KDM3B: variants seen among roughly 807,000 people sequenced by gnomAD.
The protein encoded by KDM3B is lysine demethylase 3B, also known as lysine-specific demethylase 3B.
A neutral mutation model predicts 170.0 loss-of-function variants in KDM3B; 10 were observed. That is an observed-to-expected ratio of 0.06 (90% CI 0.04 to 0.10). The LOEUF (loss-of-function observed/expected upper bound fraction) is 0.10, where lower values mean the gene tolerates loss of function less well. Ranked by LOEUF, KDM3B falls within the 10% of genes least tolerant of loss-of-function variation. KDM3B has a pLI of 1.00. For missense variants in KDM3B, 1,394 were observed against 2,195.2 expected, an observed-to-expected ratio of 0.64 and a Z score of 7.29; for synonymous variants, 831 against 834.8, an observed-to-expected ratio of 1.00 and a Z score of 0.08.
intron 1 of KDM3B, among the ~76,000 whole-genome samples, chr5:138,358,732 C>CTACAGG (rs1179021972): frequency 6.6e-6 from 1 of 151,808 alleles, no homozygotes; most frequent in Non-Finnish European, 1.5e-5. Flanking sequence ...TTAGCTGGGA[C>CTACAGG]TACAGGTGCA....
chr5:138,395,623 A>T (rs1425013722), intron 9 of KDM3B, among the ~76,000 whole-genome samples: 2 of 148,712 alleles, frequency 1.3e-5, no homozygotes, highest in South Asian at 2.1e-4. Flanking sequence ...AATAATAATA[A>T]TTTTTTTTTT....
At chr5:138,406,238 C>T (rs995996386) in intron 11 of KDM3B, among the ~76,000 whole-genome samples, 1 of 152,130 alleles carries the variant, frequency 6.6e-6, no homozygotes, top group African/African-American at 2.4e-5. Flanking sequence ...CCCACCTACT[C>T]AGAGGCTGAT....
intron 1 of KDM3B, among the ~76,000 whole-genome samples, chr5:138,354,975 A>G (rs186422558): frequency 2.0e-5 from 3 of 152,314 alleles, no homozygotes; most frequent in Non-Finnish European, 4.4e-5. Flanking sequence ...ATTAATGACA[A>G]TGACCAGTGT....
At chr5:138,428,979 A>C (rs1453912081) in intron 20 of KDM3B, among the ~76,000 whole-genome samples, 3 of 129,350 alleles carry the variant, frequency 2.3e-5, no homozygotes, top group African/African-American at 8.9e-5. Context: ...ATAGAGTCTC[A>C]CTATGTTGCC....
chr5:138,373,637 G>A (rs1005215507), intron 2 of KDM3B, among the ~76,000 whole-genome samples: 2 of 151,570 alleles, frequency 1.3e-5, no homozygotes, highest in Non-Finnish European at 2.9e-5. Flanking sequence ...CGCACAGCAC[G>A]GCACCCAGCC....
At chr5:138,365,964 C>G (rs933593886) in intron 1 of KDM3B, among the ~76,000 whole-genome samples, 4 of 152,140 alleles carry the variant, frequency 2.6e-5, no homozygotes, top group African/African-American at 9.7e-5. Flanking sequence ...CGTCATTGTA[C>G]TCTAGCCTGG....
chr5:138,361,659 G>T (rs560801832), intron 1 of KDM3B, among the ~76,000 whole-genome samples: 24 of 152,246 alleles, frequency 1.6e-4, no homozygotes, highest in Admixed American at 3.9e-4. Context: ...CCGTTGCTTT[G>T]TTCCTTCTTT....
At chr5:138,389,792 G>GTA (rs1470668941) in intron 7 of KDM3B, among the ~76,000 whole-genome samples, 8 of 151,292 alleles carry the variant, frequency 5.3e-5, no homozygotes, top group African/African-American at 1.9e-4. Flanking sequence ...CTGTGTGTGT[G>GTA]TGTGTGTGTG....
At chr5:138,374,596 AG>A (rs1431833858) in intron 2 of KDM3B, among the ~76,000 whole-genome samples, 2 of 152,228 alleles carry the variant, frequency 1.3e-5, no homozygotes, top group Non-Finnish European at 2.9e-5. Flanking sequence ...TTGAACTTTT[AG>A]GAGAAGCTCT....
At chr5:138,402,066 C>T (rs1250523572) in intron 11 of KDM3B, among the ~76,000 whole-genome samples, 1 of 152,012 alleles carries the variant, frequency 6.6e-6, no homozygotes, top group Non-Finnish European at 1.5e-5. Context: ...ATAGCTGGGA[C>T]TGCAGGCATG....
At chr5:138,394,199 C>G (rs1364709954) in intron 9 of KDM3B, among the ~76,000 whole-genome samples, 1 of 152,028 alleles carries the variant, frequency 6.6e-6, no homozygotes, top group Admixed American at 6.6e-5. Context: ...ATAGTGAGAC[C>G]TAGTCTCTAC....
In KDM3B at chr5:138,397,202, G is replaced by A. The variant is rs567449986; in HGVS notation, c.2832-976G>A. Reference sequence around the variant, plus strand: ...AAAACAAAATCAGCTGGGCGTGGTGGCAGGCGCCTGTAGTTCCAGCTACTG... The same window carrying A: ...AAAACAAAATCAGCTGGGCGTGGTGACAGGCGCCTGTAGTTCCAGCTACTG... On this transcript the variant is annotated intron_variant, in intron 9 of 23. Coordinates refer to ENST00000314358, the MANE Select transcript of KDM3B (RefSeq NM_016604.4). Among the ~76,000 whole-genome samples the A allele has an allele frequency of 3.9e-5, 6 of 152,276 alleles. No homozygotes were observed. In the East Asian group the frequency reaches 1.2e-3, roughly 29 times the overall value.
At chr5:138,387,395 A>G (rs1762297503) in intron 7 of KDM3B, among the ~76,000 whole-genome samples, 1 of 152,214 alleles carries the variant, frequency 6.6e-6, no homozygotes, top group Non-Finnish European at 1.5e-5. Context: ...CTAAAATATG[A>G]AATACAGAGA....
intron 16 of KDM3B, 35 bp from the exon 17 acceptor site, chr5:138,425,376 A>T: frequency 6.2e-7 from 1 of 1,602,836 alleles, no homozygotes; most frequent in Non-Finnish European, 8.5e-7. Context: ...AGTTTTTCCT[A>T]GATTGCTCTG....
intron 20 of KDM3B, among the ~76,000 whole-genome samples, chr5:138,428,745 T>A (rs1298116379): frequency 6.6e-6 from 1 of 152,132 alleles, no homozygotes; most frequent in Non-Finnish European, 1.5e-5. Flanking sequence ...ATCAGCCAGA[T>A]CAGCTGTGGA....
At chr5:138,365,361 G>A (rs763451066) in intron 1 of KDM3B, among the ~76,000 whole-genome samples, 2 of 152,144 alleles carry the variant, frequency 1.3e-5, no homozygotes, top group Non-Finnish European at 1.5e-5. Context: ...GGGTTCAAGC[G>A]ATTCTCCTGC....
intron 1 of KDM3B, among the ~76,000 whole-genome samples, chr5:138,371,027 G>A (rs1218765219): frequency 6.6e-6 from 1 of 151,972 alleles, no homozygotes; most frequent in African/African-American, 2.4e-5. Context: ...CAAGTTGGTC[G>A]TGAACTCCTG....
chr5:138,417,753 T>A, intron 13 of KDM3B, 143 bp downstream of exon 13: 1 of 778,492 alleles, frequency 1.3e-6, no homozygotes, highest in Non-Finnish European at 2.1e-6. Flanking sequence ...AGAGAGAGCT[T>A]AAATAACTTT....
chr5:138,373,414 A>G (rs184720583), intron 2 of KDM3B, among the ~76,000 whole-genome samples: 5 of 152,270 alleles, frequency 3.3e-5, no homozygotes, highest in East Asian at 1.9e-4. Context: ...TTGAAACATT[A>G]TTTGTAACCT....
Sources: allele counts gnomAD v4.1 joint callset (sites outside exome capture counted in the v4.1 genomes callset), GRCh38; gene constraint gnomAD v4.1.1; transcripts MANE v1.5; gene names NCBI Gene and HGNC (gene_info 2026-07-23, HGNC 2026-07-21).